Variants in ZNF407 observed in about 807,000 individuals in gnomAD.
The protein encoded by ZNF407 is zinc finger protein 407.
A neutral mutation model predicts 131.2 loss-of-function variants in ZNF407; 17 were observed. The ratio of observed to expected loss-of-function variants is 0.13; its 90% confidence interval spans 0.09 to 0.19. The LOEUF is 0.19. ZNF407 is among the 10% of genes least tolerant of loss of function. The pLI, the probability that ZNF407 is intolerant of heterozygous loss-of-function variation, is 1.00. For synonymous variants in ZNF407, 1,156 were observed against 1,062.0 expected (o/e 1.09, Z -1.72); for missense variants, 2,681 against 2,830.6 (o/e 0.95, Z 1.20).
intron 4 of ZNF407, among the ~76,000 whole-genome samples, chr18:74,799,336 A>T (rs1327378203): frequency 6.6e-6 from 1 of 152,170 alleles, no homozygotes; most frequent in African/African-American, 2.4e-5. Context: ...CACTGTGGGC[A>T]TAGGAAAACC....
At chr18:74,897,633 A>T (rs933787505) in intron 7 of ZNF407, among the ~76,000 whole-genome samples, 1 of 151,628 alleles carries the variant, frequency 6.6e-6, no homozygotes, top group African/African-American at 2.4e-5. Context: ...AAAATAGAAA[A>T]TTTTTTTTTG....
chr18:74,674,731 A>G (rs1279778342), intron 3 of ZNF407, among the ~76,000 whole-genome samples: 2 of 152,174 alleles, frequency 1.3e-5, no homozygotes, highest in Non-Finnish European at 2.9e-5. Flanking sequence ...AGATAGCTCT[A>G]TTCCTCTAGT....
chr18:74,742,638 ATAGAG>A (rs2144923644), intron 3 of ZNF407, among the ~76,000 whole-genome samples: 1 of 152,276 alleles, frequency 6.6e-6, no homozygotes, highest in Admixed American at 6.5e-5. Flanking sequence ...AGGAAGAGTG[ATAGAG>A]TATTTTTTAG....
At chr18:74,848,592 T>TA (rs1839772377) in intron 4 of ZNF407, among the ~76,000 whole-genome samples, 1 of 150,394 alleles carries the variant, frequency 6.6e-6, no homozygotes, top group African/African-American at 2.4e-5. Flanking sequence ...GTAAATTTGA[T>TA]AAAATATTTT....
intron 8 of ZNF407, among the ~76,000 whole-genome samples, chr18:74,976,389 C>A (rs1260249054): frequency 6.6e-6 from 1 of 152,142 alleles, no homozygotes; most frequent in Admixed American, 6.5e-5. Flanking sequence ...TACGAAGCTC[C>A]TTTGTGCTGC....
chr18:74,849,853 A>G lies in ZNF407; in HGVS notation c.4878-27344A>G, dbSNP rs567514684. Among the ~76,000 whole-genome samples, 4 of 152,308 alleles carry G rather than the reference A, an allele frequency of 2.6e-5. No homozygotes were observed. In the South Asian group the frequency reaches 6.2e-4, roughly 24 times the overall value. On this transcript the variant is annotated intron_variant, in intron 4 of 8. Transcript: ENST00000299687. ...TGAAAAGTTGGCTGTGTAGAGTTTG[A>G]TTTCCATTTAGTGCATGTAAGATAA... is the stretch of plus-strand genomic sequence containing the variant.
intron 3 of ZNF407, among the ~76,000 whole-genome samples, chr18:74,720,927 CTTT>C (rs34746909): frequency 3.5e-5 from 5 of 143,634 alleles, no homozygotes; most frequent in Admixed American, 2.1e-4. Context: ...ATACCTTCAG[CTTT>C]TTTTTTTTTC....
At chr18:74,716,215 T>C (rs777868762) in intron 3 of ZNF407, among the ~76,000 whole-genome samples, 8 of 152,238 alleles carry the variant, frequency 5.3e-5, no homozygotes, top group Non-Finnish European at 8.8e-5. Flanking sequence ...AGCTGAGAAG[T>C]TAATGTTTCT....
chr18:74,927,686 T>G (rs7506552), intron 8 of ZNF407, among the ~76,000 whole-genome samples: 3,342 of 152,324 alleles, frequency 0.022, 47 homozygotes, highest in Non-Finnish European at 0.034. Flanking sequence ...AGCTTGAAAA[T>G]TGTATTCTTT....
At chr18:74,819,439 T>A (rs1970310721) in intron 4 of ZNF407, among the ~76,000 whole-genome samples, 1 of 152,144 alleles carries the variant, frequency 6.6e-6, no homozygotes, top group South Asian at 2.1e-4. Context: ...ACAGTGTGAC[T>A]TTGAGGCTAA....
At chr18:74,614,407 A>G (rs1327252626) in intron 1 of ZNF407, among the ~76,000 whole-genome samples, 2 of 152,220 alleles carry the variant, frequency 1.3e-5, no homozygotes, top group Admixed American at 6.5e-5. Flanking sequence ...ATGGAGGTCA[A>G]TGTGTTTGGA....
rs769845314 is a variant in ZNF407, at chr18:75,064,395, A to G, written c.6674A>G (p.Tyr2225Cys). The change falls in exon 9 of 9, where the codon TAC (tyrosine) becomes TGC (cysteine). Residue 2225 changes from tyrosine to cysteine, a missense_variant. Around this residue, in one of 6 missense-constraint regions of ZNF407, gnomAD observed 620 missense variants for 583.1 expected, o/e 1.06. Transcript: ENST00000299687. ...GAGCAGCTGGCCAGCGTGGTCATCT[A>G]CACCCAGGAGGGCTCCTCGGCCGCG... ...RAEQLASVVI[Y>C]TQEGSSAAAA... is the part of the protein sequence containing the mutation. 6.4e-7 allele frequency: 1 copy of G among 1,560,286 alleles called. No individual in the cohort carries two copies. Among genetic ancestry groups the G allele is most frequent in the Non-Finnish European group, 8.7e-7 (1 of 1,152,880 alleles).
chr18:75,036,645 A>G (rs913051046), intron 8 of ZNF407, among the ~76,000 whole-genome samples: 3 of 152,260 alleles, frequency 2.0e-5, no homozygotes, highest in East Asian at 1.9e-4. Context: ...ATACTTAGGC[A>G]TGCAATGTAC....
At chr18:74,898,404 C>G (rs1971481081) in intron 7 of ZNF407, 1 of 152,100 alleles carries the variant, frequency 6.6e-6, no homozygotes, top group African/African-American at 2.4e-5. Flanking sequence ...AGAAAAAGAA[C>G]TACTTCTGAG....
intron 7 of ZNF407, among the ~76,000 whole-genome samples, chr18:74,911,182 G>A (rs1971665784): frequency 6.6e-6 from 1 of 151,602 alleles, no homozygotes; most frequent in African/African-American, 2.4e-5. Context: ...TATGTCATAT[G>A]TATGTTTCTA....
rs1970691614 is a variant in ZNF407 at position 74,845,590 on chromosome 18, A to C, written c.4878-31607A>C. Among the ~76,000 whole-genome samples, 4 of 152,142 alleles carry C rather than the reference A, an allele frequency of 2.6e-5. No homozygotes were observed. In the South Asian group the frequency reaches 8.3e-4, roughly 32 times the overall value. Reference sequence around the variant, plus strand: ...TCTACAAAGTTCATAATTTGATTGTATTTGTAAGTCATTTCATCATCAGAA... The same window carrying C: ...TCTACAAAGTTCATAATTTGATTGTCTTTGTAAGTCATTTCATCATCAGAA... On this transcript the variant is annotated intron_variant, in intron 4 of 8. Transcript: ENST00000299687.
chr18:74,628,620 C>G (rs1983906365), intron 1 of ZNF407, among the ~76,000 whole-genome samples: 1 of 152,154 alleles, frequency 6.6e-6, no homozygotes, highest in African/African-American at 2.4e-5. Context: ...GTCTCTGTCT[C>G]TGTCTCCCAG....
intron 1 of ZNF407, among the ~76,000 whole-genome samples, chr18:74,626,353 A>G (rs1983785255): frequency 6.6e-6 from 1 of 152,248 alleles, no homozygotes; most frequent in Admixed American, 6.5e-5. Context: ...CAGCAGTATC[A>G]ATCATTGATA....
chr18:74,906,382 G>A (rs180874278), intron 7 of ZNF407, among the ~76,000 whole-genome samples: 3 of 152,308 alleles, frequency 2.0e-5, no homozygotes, highest in Admixed American at 1.3e-4. Flanking sequence ...ATCCAGGCAC[G>A]TAAGCACATC....
Sources: allele counts gnomAD v4.1 joint callset (sites outside exome capture counted in the v4.1 genomes callset), GRCh38; gene constraint gnomAD v4.1.1; regional missense constraint gnomAD v4.1.1; transcripts MANE v1.5; gene names NCBI Gene and HGNC (gene_info 2026-07-23, HGNC 2026-07-21).